Variants in NFIB observed in about 807,000 individuals in gnomAD.
The protein encoded by NFIB is nuclear factor 1 B-type.
In NFIB, 11 loss-of-function variants were observed where a neutral mutation model predicts 61.5. That is an observed-to-expected ratio of 0.18 (90% CI 0.11 to 0.30). The LOEUF is 0.30. Ranked by LOEUF, NFIB falls within the 10% of genes least tolerant of loss-of-function variation. The pLI is 1.00. For missense variants in NFIB, 471 were observed against 608.9 expected (o/e 0.77, Z 2.38); for synonymous variants, 260 against 216.5 (o/e 1.20, Z -1.76).
chr9:14,475,954 A>T, the NFIB span, among the ~76,000 whole-genome samples: 1 of 152,294 alleles, frequency 6.6e-6, no homozygotes, highest in Non-Finnish European at 1.5e-5. Context: ...CCTGAGTTCC[A>T]AAGGACCTGG....
At chr9:14,376,139 C>T (rs1490799943) in intron 1 of NFIB, among the ~76,000 whole-genome samples, 1 of 152,168 alleles carries the variant, frequency 6.6e-6, no homozygotes, top group African/African-American at 2.4e-5. Context: ...TAGCACACTA[C>T]AGTCTTAAAC....
At chr9:14,321,835 C>G (rs2060668376) in intron 1 of NFIB, 1 of 1,204,320 alleles carries the variant, frequency 8.3e-7, no homozygotes, top group Admixed American at 4.2e-5. Flanking sequence ...AAAACAGCCA[C>G]TTTGCAATCC....
chr9:14,469,541 T>C, the NFIB span, among the ~76,000 whole-genome samples: 1 of 152,236 alleles, frequency 6.6e-6, no homozygotes, highest in East Asian at 1.9e-4. Flanking sequence ...TGTATTTTAC[T>C]GGCTTCTTCC....
chr9:14,096,012 T>G (rs1166483857), intron 10 of NFIB, among the ~76,000 whole-genome samples: 1 of 152,192 alleles, frequency 6.6e-6, no homozygotes, highest in Non-Finnish European at 1.5e-5. Flanking sequence ...TATTATGATA[T>G]TTATTCATTC....
chr9:14,348,572 A>T (rs2132902439), intron 1 of NFIB, among the ~76,000 whole-genome samples: 1 of 152,334 alleles, frequency 6.6e-6, no homozygotes, highest in South Asian at 2.1e-4. Flanking sequence ...CCAGCCTTTG[A>T]TATTTAAGCC....
chr9:14,386,798 G>A (rs1294274109), intron 1 of NFIB, among the ~76,000 whole-genome samples: 1 of 152,228 alleles, frequency 6.6e-6, no homozygotes, highest in Non-Finnish European at 1.5e-5. Flanking sequence ...ATTTTTAAAT[G>A]TAGAAATTCT....
the NFIB span, among the ~76,000 whole-genome samples, chr9:14,425,298 C>T: frequency 6.6e-6 from 1 of 152,106 alleles, no homozygotes; most frequent in African/African-American, 2.4e-5. Context: ...CCACAAAGGG[C>T]CACTAGACCC....
In NFIB at chr9:14,341,940, A is replaced by G. The variant is rs77451290; in HGVS notation, c.109-34420T>C. Among the ~76,000 whole-genome samples, 5 of 324 alleles carry G rather than the reference A, an allele frequency of 0.015. No homozygotes were observed. In the Non-Finnish European group the frequency reaches 0.17, roughly 11 times the overall value. 0.2% of individuals were successfully genotyped at this position (324 alleles called of 152,430 possible). A position where few individuals can be genotyped will look rare whatever the true frequency, so the allele number is the denominator to read the frequency against. ...AGCTAGAGAGTGACTCCTCGGGAGG[A>G]AAAAAAAAAAAAAAAATCAGTCATT... On this transcript the variant is annotated intron_variant, in intron 1 of 8. Transcript: ENST00000380934.
At chr9:14,382,903 C>T (rs1176140514) in intron 1 of NFIB, among the ~76,000 whole-genome samples, 1 of 151,942 alleles carries the variant, frequency 6.6e-6, no homozygotes, top group Non-Finnish European at 1.5e-5. Flanking sequence ...CAGAAAAAAC[C>T]ATCCTGGTGA....
At chr9:14,099,928 C>T (rs1207281159) in intron 10 of NFIB, among the ~76,000 whole-genome samples, 2 of 152,042 alleles carry the variant, frequency 1.3e-5, no homozygotes, top group African/African-American at 4.8e-5. Flanking sequence ...AAAAGTTAGC[C>T]GGGCGTGGCA....
At chr9:14,490,086 C>A in the NFIB span, among the ~76,000 whole-genome samples, 2 of 152,098 alleles carry the variant, frequency 1.3e-5, no homozygotes, top group African/African-American at 4.8e-5. Flanking sequence ...GATAAGTTGC[C>A]AAATTGTTCA....
chr9:14,208,130 A>T (rs1183315840), intron 2 of NFIB, among the ~76,000 whole-genome samples: 3 of 152,164 alleles, frequency 2.0e-5, no homozygotes, highest in African/African-American at 7.2e-5. Context: ...TCATCTTTCC[A>T]CTTTTATTCC....
intron 2 of NFIB, among the ~76,000 whole-genome samples, chr9:14,258,761 G>C (rs1280398899): frequency 3.9e-5 from 6 of 152,132 alleles, no homozygotes; most frequent in Non-Finnish European, 8.8e-5. Flanking sequence ...AAGTTAGTAA[G>C]GATGTCATTC....
At chr9:14,357,861 T>C (rs1327637043) in intron 1 of NFIB, 8 of 152,196 alleles carry the variant, frequency 5.3e-5, no homozygotes, top group Admixed American at 5.2e-4. Flanking sequence ...CCTTAAAATA[T>C]CATGCTAAGT....
chr9:14,252,807 T>C (rs1347265194), intron 2 of NFIB, among the ~76,000 whole-genome samples: 1 of 151,918 alleles, frequency 6.6e-6, no homozygotes, highest in Non-Finnish European at 1.5e-5. Flanking sequence ...AAAAAAATAA[T>C]GTCTTTCCAT....
the NFIB span, among the ~76,000 whole-genome samples, chr9:14,469,827 T>G: frequency 2.2e-4 from 33 of 152,204 alleles, no homozygotes; most frequent in African/African-American, 8.0e-4. Context: ...AGGAAGGGAT[T>G]GAGGAAGAAC....
the NFIB span, among the ~76,000 whole-genome samples, chr9:14,457,879 C>T: frequency 1.3e-5 from 2 of 152,150 alleles, no homozygotes; most frequent in Middle Eastern, 3.2e-3. Context: ...TAATTAATAG[C>T]TTACCAACCA....
intron 2 of NFIB, among the ~76,000 whole-genome samples, chr9:14,236,758 T>C (rs752804106): frequency 1.6e-4 from 25 of 152,284 alleles, no homozygotes; most frequent in Non-Finnish European, 2.8e-4. Flanking sequence ...GTAGGAAATG[T>C]ATTGGTTGGC....
At chr9:14,192,636 T>C (rs1229982059) in intron 2 of NFIB, among the ~76,000 whole-genome samples, 1 of 152,180 alleles carries the variant, frequency 6.6e-6, no homozygotes, top group Non-Finnish European at 1.5e-5. Context: ...CTTTGACATT[T>C]GTCTCCAAAC....
Sources: allele counts gnomAD v4.1 joint callset (sites outside exome capture counted in the v4.1 genomes callset), GRCh38; gene constraint gnomAD v4.1.1; transcripts MANE v1.5; gene names NCBI Gene and HGNC (gene_info 2026-07-23, HGNC 2026-07-21).